The following HMGCLL1 variants were observed in gnomAD, a reference collection of about 807,000 sequenced individuals.
HMGCLL1 encodes the protein 3-hydroxymethyl-3-methylglutaryl-CoA lyase, cytoplasmic.
In HMGCLL1, 36 loss-of-function variants were observed where a neutral mutation model predicts 39.1. That is an observed-to-expected ratio of 0.92 (90% CI 0.71 to 1.22). The LOEUF (loss-of-function observed/expected upper bound fraction) is 1.22, where lower values mean the gene tolerates loss of function less well. Among genes scored for constraint, HMGCLL1 ranks in the 50% most tolerant of loss-of-function variants. The pLI, the probability that HMGCLL1 is intolerant of heterozygous loss-of-function variation, is 0.00. For synonymous variants in HMGCLL1, 149 were observed against 144.0 expected, an observed-to-expected ratio of 1.03 and a Z score of -0.25; for missense variants, 451 against 416.5, an observed-to-expected ratio of 1.08 and a Z score of -0.72.
chr6:55,578,958 T>G lies in HMGCLL1; in HGVS notation c.98A>C (p.Asp33Ala), dbSNP rs984053827. ...GCCGCGAGGTGGTACCTGCGCGGGG[T>G]CGAGCGCCCCTGCCACTGAATCCCC... ...WIGDSVAGAL[D>A]PAQETSQLSG... Residue 33 changes from aspartate (D) to alanine (A), a missense_variant, in exon 1 of 9, where the codon GAC (aspartate) becomes GCC (alanine). Asp to Ala is a moderately radical substitution (Grantham distance 126, BLOSUM62 -2). Coordinates refer to ENST00000274901, the MANE Select transcript of HMGCLL1 (RefSeq NM_001042406.2). 7.5e-6 allele frequency: 12 copies of G among 1,610,446 alleles called. No homozygotes were observed. The highest frequency in any genetic ancestry group is 1.0e-5 in the Non-Finnish European group (12 of 1,178,658).
rs1218443992 is a variant in HMGCLL1 at position 55,577,058 on chromosome 6, T to C, written c.108+1890A>G. ...ACACTAGGAAGAGTGTAGATAGTGA[T>C]GGGGCATCTGGATATTTACCCAGTG... On this transcript the variant is annotated intron_variant, in intron 1 of 8. Transcript: ENST00000274901. 4.3e-6 allele frequency: 7 copies of C among 1,613,694 alleles called. No individual in the cohort carries two copies. In the South Asian group the frequency reaches 6.6e-5, roughly 15 times the overall value.
the HMGCLL1 span, among the ~76,000 whole-genome samples, chr6:55,643,550 T>C: frequency 6.6e-6 from 1 of 152,104 alleles, no homozygotes; most frequent in African/African-American, 2.4e-5. Flanking sequence ...TACTACATAT[T>C]ATTTTTTCTT....
chr6:55,597,620 C>T, the HMGCLL1 span, among the ~76,000 whole-genome samples: 8 of 151,960 alleles, frequency 5.3e-5, no homozygotes, highest in Admixed American at 6.6e-5. Context: ...TGAATTTCTC[C>T]GCTTTTTTCA....
At chr6:55,655,486 A>G in the HMGCLL1 span, among the ~76,000 whole-genome samples, 1 of 151,710 alleles carries the variant, frequency 6.6e-6, no homozygotes, top group Admixed American at 6.6e-5. Flanking sequence ...TTTCTTTACA[A>G]TGATAAATAG....
chr6:55,677,869 C>T, the HMGCLL1 span, among the ~76,000 whole-genome samples: 1 of 152,176 alleles, frequency 6.6e-6, no homozygotes, highest in Non-Finnish European at 1.5e-5. Flanking sequence ...CTATGGAAGA[C>T]ATTGTATTTT....
chr6:55,630,324 T>G, the HMGCLL1 span, among the ~76,000 whole-genome samples: 1 of 152,114 alleles, frequency 6.6e-6, no homozygotes, highest in East Asian at 1.9e-4. Context: ...TGTTTTGGCC[T>G]ATTTCTCCCA....
At chr6:55,660,297 G>A in the HMGCLL1 span, among the ~76,000 whole-genome samples, 1 of 151,586 alleles carries the variant, frequency 6.6e-6, no homozygotes, top group Admixed American at 6.6e-5. Flanking sequence ...GTTTTTTTGT[G>A]CAGATTATTT....
At chr6:55,663,767 G>A in the HMGCLL1 span, among the ~76,000 whole-genome samples, 1 of 151,804 alleles carries the variant, frequency 6.6e-6, no homozygotes, top group Non-Finnish European at 1.5e-5. Flanking sequence ...TACTGTCAGT[G>A]GAGTATTGAT....
intron 7 of HMGCLL1, among the ~76,000 whole-genome samples, chr6:55,483,340 A>C (rs534022602): frequency 1.3e-5 from 2 of 152,300 alleles, no homozygotes; most frequent in Admixed American, 1.3e-4. Flanking sequence ...ATTTCTGCTC[A>C]CTGCAACCTC....
intron 5 of HMGCLL1, among the ~76,000 whole-genome samples, chr6:55,506,059 C>T (rs966043224): frequency 2.0e-5 from 3 of 151,588 alleles, no homozygotes; most frequent in Admixed American, 6.6e-5. Flanking sequence ...GCTTTAAAAC[C>T]AAACTGTCTG....
chr6:55,650,104 T>TACAC, the HMGCLL1 span, among the ~76,000 whole-genome samples: 1 of 68,754 alleles, frequency 1.5e-5, no homozygotes, highest in East Asian at 1.1e-3. Context: ...TATATATATA[T>TACAC]ATATATATAT....
chr6:55,538,045 A>G (rs1252396856), intron 3 of HMGCLL1, among the ~76,000 whole-genome samples: 2 of 152,066 alleles, frequency 1.3e-5, no homozygotes, highest in Admixed American at 6.6e-5. Context: ...CTAGCTATGC[A>G]AGAAGTGTAG....
intron 7 of HMGCLL1, among the ~76,000 whole-genome samples, chr6:55,473,033 CTT>C (rs1169618615): frequency 6.6e-6 from 1 of 151,318 alleles, no homozygotes. Flanking sequence ...GCGAAGTCCA[CTT>C]TTTTCTAAAA....
intron 7 of HMGCLL1, among the ~76,000 whole-genome samples, chr6:55,452,446 G>A (rs1417795500): frequency 6.6e-6 from 1 of 152,166 alleles, no homozygotes; most frequent in East Asian, 1.9e-4. Flanking sequence ...AATGAGAAGT[G>A]AAGCATAGGT....
At chr6:55,601,926 T>C in the HMGCLL1 span, among the ~76,000 whole-genome samples, 1 of 152,134 alleles carries the variant, frequency 6.6e-6, no homozygotes, top group Admixed American at 6.6e-5. Flanking sequence ...TACGCACTTG[T>C]TTTCAGTCTA....
At chr6:55,439,225 G>T (rs1429730700) in intron 8 of HMGCLL1, among the ~76,000 whole-genome samples, 1 of 152,014 alleles carries the variant, frequency 6.6e-6, no homozygotes, top group African/African-American at 2.4e-5. Context: ...AATGTGAAAT[G>T]GTAGCATTAT....
At chr6:55,565,160 CA>C (rs1183975488) in intron 1 of HMGCLL1, among the ~76,000 whole-genome samples, 2 of 152,046 alleles carry the variant, frequency 1.3e-5, no homozygotes, top group African/African-American at 4.8e-5. Context: ...CAGTGAAAAA[CA>C]TTCACGCTTT....
At chr6:55,646,966 C>T in the HMGCLL1 span, among the ~76,000 whole-genome samples, 1 of 151,982 alleles carries the variant, frequency 6.6e-6, no homozygotes, top group East Asian at 1.9e-4. Context: ...AAGATCTATT[C>T]AATGCTGAAA....
chr6:55,500,660 C>T (rs1766834892), intron 5 of HMGCLL1, among the ~76,000 whole-genome samples: 1 of 151,994 alleles, frequency 6.6e-6, no homozygotes, highest in African/African-American at 2.4e-5. Context: ...TTATGCCAGA[C>T]AGGAAGCTCA....
Sources: allele counts gnomAD v4.1 joint callset (sites outside exome capture counted in the v4.1 genomes callset), GRCh38; gene constraint gnomAD v4.1.1; transcripts MANE v1.5; gene names NCBI Gene and HGNC (gene_info 2026-07-23, HGNC 2026-07-21).